The following TRIO variants were observed in gnomAD, a reference collection of about 807,000 sequenced individuals.
TRIO encodes the protein triple functional domain protein.
Under a neutral mutation model 351.9 loss-of-function variants are expected in TRIO, and 58 were observed. The ratio of observed to expected loss-of-function variants is 0.16; its 90% CI spans 0.13 to 0.21. The LOEUF is 0.21. Ranked by LOEUF, TRIO falls within the 10% of genes least tolerant of loss-of-function variation. TRIO has a pLI of 1.00. For missense variants in TRIO, 3,201 were observed against 4,027.8 expected, an observed-to-expected ratio of 0.79 and a Z score of 5.56; for synonymous variants, 1,758 against 1,595.7, an observed-to-expected ratio of 1.10 and a Z score of -2.42.
At chr5:14,194,070 C>T (rs561597895) in intron 1 of TRIO, among the ~76,000 whole-genome samples, 39 of 152,250 alleles carry the variant, frequency 2.6e-4, no homozygotes, top group Admixed American at 1.1e-3. Context: ...TCTTCAGGTT[C>T]GGGGACATAG....
chr5:14,351,946 G>C (rs1375610829), intron 11 of TRIO, among the ~76,000 whole-genome samples: 1 of 152,206 alleles, frequency 6.6e-6, no homozygotes, highest in Non-Finnish European at 1.5e-5. Context: ...CTCTGTGGCG[G>C]GGTCTCCCTT....
chr5:14,263,230 G>A (rs1193707912), intron 1 of TRIO, among the ~76,000 whole-genome samples: 2 of 152,050 alleles, frequency 1.3e-5, no homozygotes, highest in Admixed American at 1.3e-4. Context: ...GGTCAACAAA[G>A]GCTCTAGATT....
At chr5:14,362,550 C>G (rs1444480993) in intron 13 of TRIO, among the ~76,000 whole-genome samples, 1 of 152,178 alleles carries the variant, frequency 6.6e-6, no homozygotes, top group Non-Finnish European at 1.5e-5. Flanking sequence ...GTCAAAGGAA[C>G]CAGATCCCAC....
At chr5:14,189,271 A>G (rs1790318858) in intron 1 of TRIO, among the ~76,000 whole-genome samples, 1 of 152,216 alleles carries the variant, frequency 6.6e-6, no homozygotes, top group South Asian at 2.1e-4. Context: ...ACTTTTGAAT[A>G]CATGTAACAC....
At position 14,479,370 on chromosome 5, in the gene TRIO, CA is replaced by C. The variant is rs748990863; in HGVS notation, c.6243+21del. 53 of 1,566,370 alleles carry C rather than the reference CA, an allele frequency of 3.4e-5. No individual in the cohort carries two copies. Among genetic ancestry groups the C allele is most frequent in the Middle Eastern group, 3.3e-4 (2 of 5,984 alleles). ...TTTGAGGTAAGACCTAAGATACAAA[CA>C]GAAAGTATTTCTGAATCTTTTGTTC... On this transcript the variant is annotated intron_variant, in intron 42 of 56. Transcript: ENST00000344204.
chr5:14,156,148 C>T (rs575735566), intron 1 of TRIO, among the ~76,000 whole-genome samples: 4 of 152,300 alleles, frequency 2.6e-5, no homozygotes, highest in Admixed American at 6.5e-5. Context: ...CCCCTTCATC[C>T]TGGCTCTTTT....
intron 9 of TRIO, among the ~76,000 whole-genome samples, chr5:14,321,089 T>G (rs1739836849): frequency 6.6e-6 from 1 of 152,090 alleles, no homozygotes; most frequent in South Asian, 2.1e-4. Context: ...CAAGGAAAAA[T>G]GAAAGGTCCT....
At chr5:14,345,653 C>T (rs1030379973) in intron 11 of TRIO, among the ~76,000 whole-genome samples, 8 of 152,172 alleles carry the variant, frequency 5.3e-5, no homozygotes, top group Admixed American at 2.6e-4. Flanking sequence ...CTCTGTCTCT[C>T]AGGTTCAAGC....
intron 8 of TRIO, among the ~76,000 whole-genome samples, chr5:14,306,805 A>C (rs1479473814): frequency 2.0e-5 from 3 of 152,216 alleles, no homozygotes; most frequent in African/African-American, 4.8e-5. Flanking sequence ...CATTAAATAC[A>C]GAATCTCCTA....
intron 3 of TRIO, among the ~76,000 whole-genome samples, chr5:14,281,612 T>C (rs1373467108): frequency 6.6e-6 from 1 of 152,078 alleles, no homozygotes; most frequent in African/African-American, 2.4e-5. Context: ...AAGGATACAG[T>C]CATGCCTGGA....
In TRIO at chr5:14,339,628, G is replaced by A. The variant is rs140228692; in HGVS notation, c.2046+2901G>A. 7.8e-4 allele frequency among the ~76,000 whole-genome samples: 119 copies of A among 152,262 alleles called. 1 individual carries two copies. In the East Asian group the frequency reaches 0.019, roughly 25 times the overall value. On this transcript the variant is annotated intron_variant, in intron 11 of 56. Transcript: ENST00000344204. Reference sequence around the variant, plus strand: ...CGTAACCTGGGACCAAGGAGGGATCGGGGCCCAGTTAGGGAGGGCATAGCA... The same window carrying A: ...CGTAACCTGGGACCAAGGAGGGATCAGGGCCCAGTTAGGGAGGGCATAGCA...
intron 1 of TRIO, among the ~76,000 whole-genome samples, chr5:14,257,890 C>T (rs1160009847): frequency 2.0e-5 from 3 of 152,176 alleles, no homozygotes; most frequent in Non-Finnish European, 4.4e-5. Context: ...CAAACTTGTA[C>T]AGCTAAGTTT....
Position 14,485,052 on chromosome 5 carries a change from GTT to G in TRIO, c.6658-5_6658-4del, listed in dbSNP as rs77888842. ...CCACCTGTTAGCTATTATGAATAATGTTTTTTTTTTTTTAAGGTGAGTTGCCT... is the reference window on the plus strand; with the variant it reads ...CCACCTGTTAGCTATTATGAATAATGTTTTTTTTTTTAAGGTGAGTTGCCT... On this transcript the variant is annotated splice_polypyrimidine_tract_variant and intron_variant, in intron 46 of 56. Transcript: ENST00000344204. The G allele has an allele frequency of 1.0e-4, 135 of 1,347,494 alleles. No homozygotes were observed. Among genetic ancestry groups the G allele is most frequent in the South Asian group, 5.4e-4 (36 of 66,380 alleles). The allele number at this position is 1,347,494 out of a possible 1,614,324, so 83.5% of individuals were successfully genotyped here.
intron 34 of TRIO, among the ~76,000 whole-genome samples, chr5:14,450,509 G>GT (rs1752778563): frequency 1.3e-5 from 2 of 152,066 alleles, no homozygotes; most frequent in African/African-American, 4.8e-5. Context: ...GCAGTGCTGT[G>GT]TTGGGCCTCT....
intron 1 of TRIO, among the ~76,000 whole-genome samples, chr5:14,247,780 C>G (rs1341465021): frequency 6.6e-6 from 1 of 152,066 alleles, no homozygotes; most frequent in African/African-American, 2.4e-5. Context: ...GAAATATAGA[C>G]CACTAGGCAG....
At position 14,266,301 on chromosome 5, in the gene TRIO, A is replaced by G. The variant is rs1023876478; in HGVS notation, c.158-4524A>G. Among the ~76,000 whole-genome samples, 4 of 152,094 alleles carry G rather than the reference A, an allele frequency of 2.6e-5. 1 individual carries two copies. The highest frequency in any genetic ancestry group is 4.1e-4 in the South Asian group (2 of 4,822). On this transcript the variant is annotated intron_variant, in intron 1 of 56. Transcript: ENST00000344204. ...GGCCTCAAACTCCTGAGTTCAGGCA[A>G]TCTGCCTGCCTCGGCCTCCCCCTTC... is the stretch of plus-strand genomic sequence containing the variant.
In TRIO at chr5:14,508,557, T is replaced by A; in HGVS notation, c.*135T>A. On this transcript the variant is annotated 3_prime_UTR_variant, in exon 57 of 57. Coordinates refer to ENST00000344204, the MANE Select transcript of TRIO (RefSeq NM_007118.4). Reference sequence around the variant, plus strand: ...GTGTGAAATTGCATTCCAAGTGAGCTGTGCTCAGCAGTGCTTGGACACAGA... The same window carrying A: ...GTGTGAAATTGCATTCCAAGTGAGCAGTGCTCAGCAGTGCTTGGACACAGA... 1 of 1,173,920 alleles carries A rather than the reference T, an allele frequency of 8.5e-7. No individual in the cohort carries two copies. Among genetic ancestry groups the A allele is most frequent in the Non-Finnish European group, 1.2e-6 (1 of 841,914 alleles). The allele number at this position is 1,173,920 out of a possible 1,614,324, so 72.7% of individuals were successfully genotyped here.
chr5:14,472,543 A>C, intron 38 of TRIO, 49 bp from the exon 39 acceptor site: 1 of 1,606,178 alleles, frequency 6.2e-7, no homozygotes, highest in South Asian at 1.1e-5. Context: ...GTACAAAAAA[A>C]TTCATTTAGA....
At chr5:14,412,106 G>A (rs1357528386) in intron 33 of TRIO, among the ~76,000 whole-genome samples, 2 of 151,512 alleles carry the variant, frequency 1.3e-5, no homozygotes, top group Non-Finnish European at 1.5e-5. Context: ...TCCTGCCTCA[G>A]CCCCTCTTGT....
Sources: allele counts gnomAD v4.1 joint callset (sites outside exome capture counted in the v4.1 genomes callset), GRCh38; gene constraint gnomAD v4.1.1; transcripts MANE v1.5; gene names NCBI Gene and HGNC (gene_info 2026-07-23, HGNC 2026-07-21).